Variants in TPX2 observed in about 807,000 individuals in gnomAD.
TPX2 encodes TPX2 microtubule nucleation factor.
Under a neutral mutation model 93.6 loss-of-function variants are expected in TPX2, and 21 were observed. That is an observed-to-expected ratio of 0.22 (90% CI 0.16 to 0.32). TPX2 has a LOEUF of 0.32. Among genes scored for constraint, TPX2 ranks in the 10% least tolerant of loss-of-function variants. The pLI, the probability that TPX2 is intolerant of heterozygous loss-of-function variation, is 1.00. For missense variants in TPX2, 776 were observed against 871.1 expected (o/e 0.89, Z 1.37); for synonymous variants, 281 against 298.3 (o/e 0.94, Z 0.60).
intron 5 of TPX2, among the ~76,000 whole-genome samples, chr20:31,768,662 C>T (rs1279961681): frequency 6.6e-6 from 1 of 152,078 alleles, no homozygotes; most frequent in African/African-American, 2.4e-5. Context: ...AAAAGCCAAC[C>T]CCTAGAGTAG....
intron 10 of TPX2, among the ~76,000 whole-genome samples, chr20:31,781,253 C>CTTT (rs1007150417): frequency 1.2e-4 from 14 of 116,766 alleles, no homozygotes; most frequent in Non-Finnish European, 1.7e-4. Context: ...GGCCTTATAT[C>CTTT]TTTTTTTTTT....
In TPX2 at chr20:31,784,623, G is replaced by A. The variant is rs986370123; in HGVS notation, c.1413+702G>A. ...GGCAGTAGGAATTACATGATAAAAAGCCTGACGGTGGGAAACAAGAAGCTT... is the reference window on the plus strand; with the variant it reads ...GGCAGTAGGAATTACATGATAAAAAACCTGACGGTGGGAAACAAGAAGCTT... On this transcript the variant is annotated intron_variant, in intron 12 of 17. Coordinates refer to ENST00000300403, the MANE Select transcript of TPX2 (RefSeq NM_012112.5). 3.9e-5 allele frequency among the ~76,000 whole-genome samples: 6 copies of A among 152,310 alleles called. No homozygotes were observed. In the East Asian group the frequency reaches 7.7e-4, roughly 20 times the overall value.
At chr20:31,792,941 C>T (rs1351926424) in intron 13 of TPX2, 111 bp downstream of exon 13, 2 of 987,252 alleles carry the variant, frequency 2.0e-6, no homozygotes, top group Non-Finnish European at 3.1e-6. Context: ...CTTTTTTGGA[C>T]TTGTCTTTAA....
chr20:31,744,860 G>A (rs1274135226), intron 2 of TPX2, among the ~76,000 whole-genome samples: 1 of 152,164 alleles, frequency 6.6e-6, no homozygotes, highest in Non-Finnish European at 1.5e-5. Flanking sequence ...GCTGAGGCGG[G>A]CAGATCACCT....
rs150204821 is a variant in TPX2 at position 31,766,782 on chromosome 20, C to T, written c.356+100C>T. On this transcript the variant is annotated intron_variant, in intron 5 of 17. Coordinates refer to ENST00000300403, the MANE Select transcript of TPX2 (RefSeq NM_012112.5). ...TATGTGTCTATACTGTGTTTATGGACACCTTTATGTTACTTTTTTTTTTTT... is the reference window on the plus strand; with the variant it reads ...TATGTGTCTATACTGTGTTTATGGATACCTTTATGTTACTTTTTTTTTTTT... 61 of 834,372 alleles carry T rather than the reference C, an allele frequency of 7.3e-5. No homozygotes were observed. In the African/African-American group the frequency reaches 7.7e-4, roughly 11 times the overall value. 51.7% of individuals were successfully genotyped at this position (834,372 alleles called of 1,614,324 possible).
At position 31,777,492 on chromosome 20, in the gene TPX2, C is replaced by A. The variant is rs757432742; in HGVS notation, c.736C>A (p.Pro246Thr). 1 of 1,613,670 alleles carries A rather than the reference C, an allele frequency of 6.2e-7. No individual in the cohort carries two copies. Among genetic ancestry groups the A allele is most frequent in the South Asian group, 1.1e-5 (1 of 90,984 alleles). Reference sequence around the variant, plus strand: ...TTACTGTGTTCATCTCTCAGGGCAACCTGTGAAGAAATCAGTGAGCCAGGT... The same window carrying A: ...TTACTGTGTTCATCTCTCAGGGCAAACTGTGAAGAAATCAGTGAGCCAGGT... ...KKLALAGIGQ[P>T]VKKSVSQVTK... Residue 246 changes from proline to threonine, a missense_variant, in exon 9 of 18, where the codon CCT becomes ACT. Physicochemically the swap from Pro to Thr is conservative, Grantham distance 38. Transcript: ENST00000300403.
chr20:31,772,409 T>G (rs924245023), intron 7 of TPX2, among the ~76,000 whole-genome samples: 1 of 152,150 alleles, frequency 6.6e-6, no homozygotes, highest in Non-Finnish European at 1.5e-5. Context: ...GCAGTCCTCT[T>G]GCCTTGGTCT....
At chr20:31,759,261 C>G (rs1033179366) in intron 3 of TPX2, among the ~76,000 whole-genome samples, 35 of 152,076 alleles carry the variant, frequency 2.3e-4, no homozygotes, top group Admixed American at 1.6e-3. Flanking sequence ...GATAAAATTT[C>G]TTGAGAGAAC....
rs193233580 is a variant in TPX2, at chr20:31,792,848, G to A, written c.1509+18G>A. ...AAGATGAGGTGATTCCCTGGGAGTA[G>A]GGGGGTTCTTTTTCCTTCTATATAG... On this transcript the variant is annotated intron_variant, in intron 13 of 17. Transcript: ENST00000300403. The A allele has an allele frequency of 5.6e-6, 9 of 1,609,204 alleles. No individual in the cohort carries two copies. The Admixed American group carries it at 6.7e-5, about 12-fold the overall frequency.
chr20:31,794,925 A>C (rs1013986153), intron 15 of TPX2, among the ~76,000 whole-genome samples: 1 of 151,818 alleles, frequency 6.6e-6, no homozygotes, highest in Non-Finnish European at 1.5e-5. Context: ...GGTTCACGCC[A>C]GTCTCCTGCC....
chr20:31,767,128 A>G (rs1490650524), intron 5 of TPX2, among the ~76,000 whole-genome samples: 1 of 151,886 alleles, frequency 6.6e-6, no homozygotes, highest in African/African-American at 2.4e-5. Flanking sequence ...TCCTCATAAT[A>G]TGGGTTTGTG....
Position 31,746,816 on chromosome 20 carries a change from T to C in TPX2, c.-71+4169T>C, listed in dbSNP as rs967720480. On this transcript the variant is annotated intron_variant, in intron 2 of 17. Transcript: ENST00000300403. ...CAATGGGAGGTTAATTTCAGATGAA[T>C]GTGGGAACAGGTTACATTGCTTTGT... Among the ~76,000 whole-genome samples, 4 of 152,240 alleles carry C rather than the reference T, an allele frequency of 2.6e-5. No individual in the cohort carries two copies. In the East Asian group the frequency reaches 7.7e-4, roughly 29 times the overall value.
Position 31,796,199 on chromosome 20 carries a change from G to A in TPX2, c.1834-1205G>A, listed in dbSNP as rs368907300. Among the ~76,000 whole-genome samples, 374 of 152,232 alleles carry A rather than the reference G, an allele frequency of 2.5e-3. 2 individuals carry two copies. The highest frequency in any genetic ancestry group is 8.5e-3 in the African/African-American group (353 of 41,534). On this transcript the variant is annotated intron_variant, in intron 15 of 17. Transcript: ENST00000300403. ...TGAATTTTCATGAACCCATCACCTG[G>A]TTCTATAGTGATCAAAACATGAAAA...
At chr20:31,796,529 G>A (rs1343337888) in intron 15 of TPX2, among the ~76,000 whole-genome samples, 1 of 151,960 alleles carries the variant, frequency 6.6e-6, no homozygotes, top group Non-Finnish European at 1.5e-5. Context: ...CAATCTATAG[G>A]CTCCTCTCTT....
chr20:31,782,400 A>G lies in TPX2; in HGVS notation c.1196+10A>G, dbSNP rs1568598826. 6.2e-7 allele frequency: 1 copy of G among 1,602,710 alleles called. No individual in the cohort carries two copies. The highest frequency in any genetic ancestry group is 8.5e-7 in the Non-Finnish European group (1 of 1,174,818). On this transcript the variant is annotated intron_variant, in intron 11 of 17. Transcript: ENST00000300403. ...TCGAGAAATTGCAACAGTAAGTCCC[A>G]CTGGCAGTATCTGAGGAAGAGTTCC...
At chr20:31,740,071 C>T (rs1213502265) in intron 1 of TPX2, among the ~76,000 whole-genome samples, 2 of 152,160 alleles carry the variant, frequency 1.3e-5, no homozygotes, top group Non-Finnish European at 2.9e-5. Flanking sequence ...TTCCCTTTCT[C>T]ATTTCCTTTC....
Position 31,771,644 on chromosome 20 carries a change from C to T in TPX2, c.570C>T (p.Ala190=), listed in dbSNP as rs1174673704. Residue 190 remains alanine, a synonymous_variant, in exon 7 of 18, where the codon GCC becomes GCT. Transcript: ENST00000300403. ...AEKNASSPEK[A]KGRHTVPCMP... ...AGAATGCATCTTCCCCAGAGAAAGCCAAGGGTAGACATACTGTGCCTTGTA... is the reference window on the plus strand; with the variant it reads ...AGAATGCATCTTCCCCAGAGAAAGCTAAGGGTAGACATACTGTGCCTTGTA... The T allele has an allele frequency of 6.2e-7, 1 of 1,613,662 alleles. No individual in the cohort carries two copies. Among genetic ancestry groups the T allele is most frequent in the African/African-American group, 1.3e-5 (1 of 74,906 alleles).
chr20:31,772,950 A>G (rs2061972683), intron 7 of TPX2, among the ~76,000 whole-genome samples: 1 of 148,936 alleles, frequency 6.7e-6, no homozygotes, highest in Non-Finnish European at 1.5e-5. Flanking sequence ...AAATGGAAGT[A>G]CCAATTTATA....
chr20:31,773,452 C>T (rs1179481226), intron 7 of TPX2, among the ~76,000 whole-genome samples: 6 of 149,504 alleles, frequency 4.0e-5, no homozygotes, highest in East Asian at 2.0e-4. Flanking sequence ...TGCCTGGCCC[C>T]GGCTAATTTT....
Sources: allele counts gnomAD v4.1 joint callset (sites outside exome capture counted in the v4.1 genomes callset), GRCh38; gene constraint gnomAD v4.1.1; transcripts MANE v1.5; gene names NCBI Gene and HGNC (gene_info 2026-07-23, HGNC 2026-07-21).